Variants in TBC1D2B observed in about 807,000 individuals in gnomAD.
TBC1D2B encodes TBC1 domain family, member 2B.
Under a neutral mutation model 100.8 loss-of-function variants are expected in TBC1D2B, and 64 were observed. That is an observed-to-expected ratio of 0.64 (90% CI 0.52 to 0.78). The LOEUF (loss-of-function observed/expected upper bound fraction) is 0.78. Among genes scored for constraint, TBC1D2B ranks in the 30% least tolerant of loss-of-function variants. The pLI is 0.00. For missense variants in TBC1D2B, 1,052 were observed against 1,218.4 expected (o/e 0.86, Z 2.03); for synonymous variants, 480 against 479.7 (o/e 1.00, Z -0.01).
In TBC1D2B at chr15:78,044,759, T is replaced by TGATCTATG. The variant is rs1210427939; in HGVS notation, c.683+133_683+140dup. ...CATGTAATACAAGCTAAAACCACAA[T>TGATCTATG]GATCTATGGGAAAGTATGATGTAAA... On this transcript the variant is annotated intron_variant, in intron 3 of 12. Transcript: ENST00000300584. The TGATCTATG allele has an allele frequency of 9.3e-6, 7 of 755,510 alleles. No homozygotes were observed. The African/African-American group carries it at 1.2e-4, about 13-fold the overall frequency. The allele number at this position is 755,510 out of a possible 1,614,324, so 46.8% of individuals were successfully genotyped here.
intron 6 of TBC1D2B, 102 bp downstream of exon 6, chr15:78,024,054 G>T: frequency 7.1e-7 from 1 of 1,403,542 alleles, no homozygotes; most frequent in Non-Finnish European, 9.4e-7. Context: ...TAAGTGTGCA[G>T]CTGTTCTGCC....
At chr15:78,017,548 C>T (rs372645235) in intron 7 of TBC1D2B, among the ~76,000 whole-genome samples, 3 of 152,236 alleles carry the variant, frequency 2.0e-5, no homozygotes, top group African/African-American at 7.2e-5. Flanking sequence ...GAAAGCAATA[C>T]CTTATGTTCT....
At chr15:78,025,910 A>G (rs1489161894) in intron 4 of TBC1D2B, among the ~76,000 whole-genome samples, 1 of 151,822 alleles carries the variant, frequency 6.6e-6, no homozygotes, top group African/African-American at 2.4e-5. Flanking sequence ...TCCTCCAGGG[A>G]GTTTGGCATT....
Position 78,036,164 on chromosome 15 carries a change from T to A in TBC1D2B, c.684-5994A>T, listed in dbSNP as rs930076119. On this transcript the variant is annotated intron_variant, in intron 3 of 12. Transcript: ENST00000300584. ...GGGTGCAGACATAAGTACCTTCAGT[T>A]CTAGTGGTGACTTCTGGGAAGTGGA... 3.3e-5 allele frequency among the ~76,000 whole-genome samples: 5 copies of A among 152,366 alleles called. No homozygotes were observed. The South Asian group carries it at 1.0e-3, about 32-fold the overall frequency.
chr15:78,022,549 AT>A (rs35996355), intron 6 of TBC1D2B, among the ~76,000 whole-genome samples: 75,336 of 150,558 alleles, frequency 0.5, 19,792 homozygotes, highest in East Asian at 0.64. Flanking sequence ...CACAAAGCCT[AT>A]TTTTTTTTTC....
At chr15:78,032,379 C>T (rs568355813) in intron 3 of TBC1D2B, among the ~76,000 whole-genome samples, 107 of 151,410 alleles carry the variant, frequency 7.1e-4, no homozygotes, top group Admixed American at 2.1e-3. Flanking sequence ...TTAATACATC[C>T]GAGAACAAAG....
Position 78,054,178 on chromosome 15 carries a change from G to T in TBC1D2B, c.370C>A (p.Arg124Ser), listed in dbSNP as rs763094508. Reference sequence around the variant, plus strand: ...TGTAACCAGTAAGTCATGAGTTGACGATTGGGAGCCTAGAAAGAGGGAGGG... The same window carrying T: ...TGTAACCAGTAAGTCATGAGTTGACTATTGGGAGCCTAGAAAGAGGGAGGG... ...GAVTVLKAPN[R>S]QLMTYWLQEL... is the part of the protein sequence containing the mutation. The change falls in exon 2 of 13, where the codon CGT (arginine) becomes AGT (serine). Residue 124 changes from arginine to serine, a missense_variant. Around this residue, in one of 4 missense-constraint regions of TBC1D2B, gnomAD observed 627 missense variants for 646.1 expected, o/e 0.97. Transcript: ENST00000300584. The T allele has an allele frequency of 6.2e-7, 1 of 1,609,470 alleles. No homozygotes were observed. The highest frequency in any genetic ancestry group is 1.1e-5 in the South Asian group (1 of 90,008).
chr15:78,069,813 G>A (rs1381054980), intron 1 of TBC1D2B, among the ~76,000 whole-genome samples: 1 of 152,184 alleles, frequency 6.6e-6, no homozygotes. Flanking sequence ...CTTCTGCTAT[G>A]AGGACACCAC....
intron 3 of TBC1D2B, among the ~76,000 whole-genome samples, chr15:78,042,952 G>A (rs2073119671): frequency 6.6e-6 from 1 of 152,170 alleles, no homozygotes; most frequent in Non-Finnish European, 1.5e-5. Context: ...GGACCAAGAA[G>A]GTGGGACTGC....
Position 77,997,407 on chromosome 15 carries a change from T to C in TBC1D2B, c.*753A>G, listed in dbSNP as rs1344192602. On this transcript the variant is annotated 3_prime_UTR_variant, in exon 13 of 13. Coordinates refer to ENST00000300584, the MANE Select transcript of TBC1D2B (RefSeq NM_144572.2). ...CCACAGAATCTCACAGAGCCATGCCTGGCACGGGGCAAGCTGGGGACAGAG... is the reference window on the plus strand; with the variant it reads ...CCACAGAATCTCACAGAGCCATGCCCGGCACGGGGCAAGCTGGGGACAGAG... The C allele has an allele frequency of 6.6e-6, 1 of 152,280 alleles. No individual in the cohort carries two copies. The highest frequency in any genetic ancestry group is 2.4e-5 in the African/African-American group (1 of 41,472). 9.4% of individuals were successfully genotyped at this position (152,280 alleles called of 1,614,324 possible). A position where few individuals can be genotyped will look rare whatever the true frequency, so the allele number is the denominator to read the frequency against.
At chr15:77,999,135 T>G (rs2071844501) in intron 12 of TBC1D2B, 1 of 364,940 alleles carries the variant, frequency 2.7e-6, no homozygotes, top group Non-Finnish European at 5.6e-6. Context: ...CTTCTTCCCC[T>G]CTCTGGATTC....
intron 2 of TBC1D2B, among the ~76,000 whole-genome samples, chr15:78,051,281 A>G (rs2073308277): frequency 6.6e-6 from 1 of 152,228 alleles, no homozygotes; most frequent in South Asian, 2.1e-4. Context: ...TACAATATAT[A>G]TGTGTATATA....
chr15:78,047,116 G>A (rs569980115), intron 2 of TBC1D2B, among the ~76,000 whole-genome samples: 2 of 152,132 alleles, frequency 1.3e-5, no homozygotes, highest in East Asian at 1.9e-4. Flanking sequence ...AAAGCAAGAC[G>A]GTGTGCTGGG....
At chr15:78,005,234 G>A (rs1296971208) in intron 10 of TBC1D2B, among the ~76,000 whole-genome samples, 1 of 152,200 alleles carries the variant, frequency 6.6e-6, no homozygotes, top group Non-Finnish European at 1.5e-5. Flanking sequence ...CTCTGTTCAA[G>A]CTCCCTCCTC....
intron 2 of TBC1D2B, among the ~76,000 whole-genome samples, chr15:78,052,900 T>C (rs2073343520): frequency 6.6e-6 from 1 of 152,144 alleles, no homozygotes; most frequent in African/African-American, 2.4e-5. Context: ...GCGCATAAAG[T>C]TGAAAATAAA....
intron 3 of TBC1D2B, among the ~76,000 whole-genome samples, chr15:78,034,069 G>A (rs1003916014): frequency 3.3e-5 from 5 of 152,200 alleles, no homozygotes; most frequent in African/African-American, 4.8e-5. Context: ...GGTAAACGAC[G>A]TATAGCATCT....
chr15:77,998,685 G>T, intron 12 of TBC1D2B: 1 of 250,952 alleles, frequency 4.0e-6, no homozygotes, highest in South Asian at 8.3e-5. Flanking sequence ...GGGATTACTC[G>T]TGTTCCCACA....
intron 6 of TBC1D2B, among the ~76,000 whole-genome samples, chr15:78,022,373 C>T (rs2072537162): frequency 6.6e-6 from 1 of 152,168 alleles, no homozygotes; most frequent in Non-Finnish European, 1.5e-5. Flanking sequence ...AAAATAAATA[C>T]ATAAAAATAA....
intron 1 of TBC1D2B, among the ~76,000 whole-genome samples, chr15:78,056,619 G>A (rs926088100): frequency 6.6e-6 from 1 of 151,628 alleles, no homozygotes; most frequent in Non-Finnish European, 1.5e-5. Context: ...AGAGTCACTA[G>A]GCAAGTCAGG....
Sources: gnomAD v4.1 joint callset for allele counts (sites outside exome capture counted in the v4.1 genomes callset) on GRCh38, gnomAD v4.1.1 for gene constraint, gnomAD v4.1.1 regional missense constraint, MANE v1.5 for transcripts, NCBI Gene and HGNC (gene_info 2026-07-23, HGNC 2026-07-21) for gene names.